The following PRDX4 variants were observed in gnomAD, a reference collection of about 807,000 sequenced individuals.
PRDX4 encodes peroxiredoxin 4.
PRDX4 carries 12 observed loss-of-function variants against 20.5 expected under a neutral mutation model. The ratio of observed to expected loss-of-function variants is 0.58; its 90% CI spans 0.37 to 0.95. PRDX4 has a LOEUF of 0.95. Ranked by LOEUF, PRDX4 falls within the 40% of genes least tolerant of loss-of-function variation. PRDX4 has a pLI of 0.01. For synonymous variants in PRDX4, 99 were observed against 87.5 expected (o/e 1.13, Z -0.73); for missense variants, 180 against 207.3 (o/e 0.87, Z 0.81).
At chrX:23,671,257 T>C (rs1372143354) in intron 1 of PRDX4, 1 of 227,441 alleles carries the variant, frequency 4.4e-6, no homozygotes, top group Non-Finnish European at 7.7e-6. Context: ...GATCTTGCAG[T>C]TTTGAAGTGT....
chrX:23,682,637 AATT>A (rs1208331924), intron 5 of PRDX4, 111 bp downstream of exon 5: 15 of 604,188 alleles, frequency 2.5e-5, no homozygotes, highest in Middle Eastern at 4.6e-4. Context: ...ATTATTTACA[AATT>A]ATTAGCAGAT....
chrX:23,672,039 G>C (rs1474427681), intron 2 of PRDX4, among the ~76,000 whole-genome samples: 1 of 111,971 alleles, frequency 8.9e-6, no homozygotes, highest in Non-Finnish European at 1.9e-5. Context: ...AAGGCAGGTG[G>C]ATTACAAGGT....
chrX:23,682,481 C>G lies in PRDX4; in HGVS notation c.685C>G (p.Leu229Val). 2 of 1,182,818 alleles carry G rather than the reference C, an allele frequency of 1.7e-6. No homozygotes were observed. Among genetic ancestry groups the G allele is most frequent in the South Asian group, 3.7e-5 (2 of 54,361 alleles). The change falls in exon 5 of 7, where the codon CTA (leucine) becomes GTA (valine). Residue 229 changes from leucine to valine, a missense_variant. This residue lies in a region of PRDX4 where 73 missense variants were observed against 76.5 expected (regional missense o/e 0.95). Transcript: ENST00000379341. Reference protein sequence around the residue: ...LPVGRSVDETLRLVQAFQYTD... With the variant: ...LPVGRSVDETVRLVQAFQYTD... ...TGTGGGTAGATCAGTGGATGAGACA[C>G]TACGTTTGGTTCAAGCATTCCAGTA...
Position 23,674,999 on chromosome X carries a change from G to A in PRDX4, c.369G>A (p.Val123=). 1 of 1,203,929 alleles carries A rather than the reference G, an allele frequency of 8.3e-7. No individual in the cohort carries two copies. The highest frequency in any genetic ancestry group is 1.8e-5 in the South Asian group (1 of 55,412). ...TTTTTTTACCTTTCAGCACATTTGTGTGTCCAACTGAAATTATCGCTTTTG... is the reference window on the plus strand; with the variant it reads ...TTTTTTTACCTTTCAGCACATTTGTATGTCCAACTGAAATTATCGCTTTTG... ...FFFYPLDFTF[V]CPTEIIAFGD... is the part of the protein sequence containing the mutation. Residue 123 remains valine, a synonymous_variant, in exon 3 of 7, where the codon GTG becomes GTA. Coordinates refer to ENST00000379341, the MANE Select transcript of PRDX4 (RefSeq NM_006406.2).
chrX:23,674,009 T>G (rs753110753), intron 2 of PRDX4, among the ~76,000 whole-genome samples: 9 of 111,082 alleles, frequency 8.1e-5, no homozygotes, highest in Non-Finnish European at 1.7e-4. Flanking sequence ...AATACATTTT[T>G]CGTTGTCAGC....
intron 1 of PRDX4, among the ~76,000 whole-genome samples, chrX:23,668,447 T>C (rs886271283): frequency 1.8e-5 from 2 of 112,352 alleles, no homozygotes; most frequent in Admixed American, 9.4e-5. Flanking sequence ...GGGTTGATGA[T>C]AAACCTCGTG....
At chrX:23,670,254 T>A (rs930039851) in intron 1 of PRDX4, among the ~76,000 whole-genome samples, 3 of 111,765 alleles carry the variant, frequency 2.7e-5, no homozygotes, top group Non-Finnish European at 5.6e-5. Flanking sequence ...CATTAAGGCG[T>A]GTCATTGTAA....
At chrX:23,685,919 A>G (rs1313021555) in intron 6 of PRDX4, 1 of 212,429 alleles carries the variant, frequency 4.7e-6, no homozygotes, top group Non-Finnish European at 9.3e-6. Flanking sequence ...GATAATTGTG[A>G]CATACCATCA....
chrX:23,683,017 CT>C (rs1243596750), intron 5 of PRDX4, among the ~76,000 whole-genome samples: 1 of 107,558 alleles, frequency 9.3e-6, no homozygotes, highest in Non-Finnish European at 1.9e-5. Flanking sequence ...ATGTGTCAAT[CT>C]GGCAACATTT....
intron 2 of PRDX4, among the ~76,000 whole-genome samples, chrX:23,673,287 T>C (rs1384832699): frequency 8.9e-6 from 1 of 112,566 alleles, no homozygotes; most frequent in African/African-American, 3.2e-5. Context: ...CTTCCTGTTT[T>C]CATGTAATGC....
chrX:23,678,428 G>A (rs1321503978), intron 3 of PRDX4, among the ~76,000 whole-genome samples: 1 of 111,059 alleles, frequency 9.0e-6, no homozygotes, highest in Non-Finnish European at 1.9e-5. Flanking sequence ...TCAGGAGTTC[G>A]AGACCAGCCT....
chrX:23,671,922 A>C (rs1166928813), intron 2 of PRDX4, among the ~76,000 whole-genome samples: 1 of 112,420 alleles, frequency 8.9e-6, no homozygotes, highest in Non-Finnish European at 1.9e-5. Flanking sequence ...AAATGGACTG[A>C]TAATATATTA....
chrX:23,679,909 G>A (rs2146792388), intron 4 of PRDX4, among the ~76,000 whole-genome samples: 1 of 111,997 alleles, frequency 8.9e-6, no homozygotes, highest in South Asian at 3.7e-4. Context: ...TCGAACCCAG[G>A]AGGCGGAGGT....
chrX:23,678,732 C>T (rs761322225), intron 3 of PRDX4, among the ~76,000 whole-genome samples: 35 of 111,169 alleles, frequency 3.1e-4, no homozygotes, highest in South Asian at 7.6e-4. Flanking sequence ...GCCAGGAGTT[C>T]GAGACCAGCC....
intron 5 of PRDX4, among the ~76,000 whole-genome samples, 195 bp from the exon 6 acceptor site, chrX:23,683,476 T>G (rs1928126130): frequency 9.0e-6 from 1 of 111,565 alleles, no homozygotes; most frequent in African/African-American, 3.3e-5. Flanking sequence ...ATAGATTAGC[T>G]GCCTGCTTAT....
intron 5 of PRDX4, among the ~76,000 whole-genome samples, chrX:23,683,084 T>A (rs1307684261): frequency 9.1e-6 from 1 of 109,545 alleles, no homozygotes; most frequent in Non-Finnish European, 1.9e-5. Flanking sequence ...TTTTAAATAA[T>A]CCTTGATCAC....
intron 4 of PRDX4, among the ~76,000 whole-genome samples, chrX:23,681,862 G>A (rs1222824807): frequency 2.7e-5 from 3 of 111,211 alleles, no homozygotes; most frequent in South Asian, 3.8e-4. Flanking sequence ...GCAACATGGC[G>A]AAACCCTGTT....
chrX:23,682,877 T>TATATAA (rs1431021204), intron 5 of PRDX4, among the ~76,000 whole-genome samples: 6 of 65,523 alleles, frequency 9.2e-5, no homozygotes, highest in African/African-American at 2.3e-4. Flanking sequence ...TATATATATA[T>TATATAA]AAACTAATAT....
intron 3 of PRDX4, chrX:23,675,333 C>A: frequency 1.5e-6 from 1 of 654,751 alleles, no homozygotes; most frequent in Non-Finnish European, 2.2e-6. Flanking sequence ...TTTTATAGGA[C>A]ATTTCAAAAT....
Sources: gnomAD v4.1 joint callset for allele counts (sites outside exome capture counted in the v4.1 genomes callset) on GRCh38, gnomAD v4.1.1 for gene constraint, gnomAD v4.1.1 regional missense constraint, MANE v1.5 for transcripts, NCBI Gene and HGNC (gene_info 2026-07-23, HGNC 2026-07-21) for gene names.